SPRR2G: variants seen among roughly 807,000 people sequenced by gnomAD.
SPRR2G encodes the protein small proline rich protein 2G.
Under a neutral mutation model 0.7 loss-of-function variants are expected in SPRR2G, and 1 was observed. That is an observed-to-expected ratio of 1.49 (90% confidence interval 0.53 to 7.06). SPRR2G has a LOEUF of 7.06. SPRR2G is among the 30% of genes most tolerant of loss of function. The pLI is 0.14. For missense variants in SPRR2G, 96 were observed against 88.5 expected (o/e 1.09, Z -0.34); for synonymous variants, 38 against 33.9 (o/e 1.12, Z -0.42).
the SPRR2G span, among the ~76,000 whole-genome samples, chr1:153,188,556 A>G: frequency 1.3e-5 from 2 of 152,190 alleles, no homozygotes; most frequent in Non-Finnish European, 2.9e-5. Context: ...TCCCAGGTCA[A>G]CTTCAGACAG....
At chr1:153,160,940 A>G in the SPRR2G span, among the ~76,000 whole-genome samples, 1 of 151,732 alleles carries the variant, frequency 6.6e-6, no homozygotes, top group African/African-American at 2.4e-5. Context: ...TGTCCTTTGT[A>G]GGGACATGGA....
At chr1:153,168,750 C>T in the SPRR2G span, among the ~76,000 whole-genome samples, 19 of 152,050 alleles carry the variant, frequency 1.2e-4, no homozygotes, top group African/African-American at 4.6e-4. Flanking sequence ...AAGTACCAAA[C>T]GAAATCAGAT....
chr1:153,172,278 AT>A, the SPRR2G span, among the ~76,000 whole-genome samples: 1 of 152,166 alleles, frequency 6.6e-6, no homozygotes, highest in East Asian at 1.9e-4. Context: ...GTTTTTTCTA[AT>A]GAACCTTTTT....
chr1:153,154,662 T>C (rs890512341), upstream of SPRR2G, among the ~76,000 whole-genome samples: 1 of 152,198 alleles, frequency 6.6e-6, no homozygotes, highest in South Asian at 2.1e-4. Flanking sequence ...AAGCAGTCTC[T>C]TAGGATCTTT....
the SPRR2G span, among the ~76,000 whole-genome samples, chr1:153,166,111 C>T: frequency 1.6e-4 from 25 of 152,186 alleles, no homozygotes; most frequent in African/African-American, 5.8e-4. Flanking sequence ...TGACACAATT[C>T]CTAGCTCCTT....
At chr1:153,160,626 C>T in the SPRR2G span, among the ~76,000 whole-genome samples, 22 of 151,262 alleles carry the variant, frequency 1.5e-4, no homozygotes, top group African/African-American at 5.3e-4. Flanking sequence ...AATAGGAACA[C>T]TTTTACACTG....
chr1:153,168,805 T>C, the SPRR2G span, among the ~76,000 whole-genome samples: 1 of 152,088 alleles, frequency 6.6e-6, no homozygotes, highest in Admixed American at 6.6e-5. Flanking sequence ...AGGGAATTCT[T>C]GGTCAATGTG....
chr1:153,163,493 G>C, the SPRR2G span, among the ~76,000 whole-genome samples: 1 of 152,122 alleles, frequency 6.6e-6, no homozygotes, highest in African/African-American at 2.4e-5. Flanking sequence ...CTATATTTGG[G>C]GACACATAAG....
the SPRR2G span, among the ~76,000 whole-genome samples, chr1:153,183,199 A>G: frequency 3.0e-5 from 4 of 135,248 alleles, no homozygotes; most frequent in African/African-American, 1.0e-4. Flanking sequence ...GTGGTGGCGC[A>G]TGCCTGTAAT....
At chr1:153,174,931 AAAG>A in the SPRR2G span, among the ~76,000 whole-genome samples, 1 of 152,162 alleles carries the variant, frequency 6.6e-6, no homozygotes, top group Non-Finnish European at 1.5e-5. Context: ...AAAAGAAAAG[AAAG>A]AAGAAACACT....
chr1:153,170,333 T>C, the SPRR2G span, among the ~76,000 whole-genome samples: 1 of 152,212 alleles, frequency 6.6e-6, no homozygotes, highest in East Asian at 1.9e-4. Context: ...ATTAATAACA[T>C]TAGTTATCTA....
At chr1:153,156,805 G>C in the SPRR2G span, among the ~76,000 whole-genome samples, 4 of 152,086 alleles carry the variant, frequency 2.6e-5, no homozygotes, top group Non-Finnish European at 5.9e-5. Flanking sequence ...GAGGTAAAGA[G>C]GATTTTAAGT....
chr1:153,192,828 A>C, the SPRR2G span, among the ~76,000 whole-genome samples: 3 of 152,122 alleles, frequency 2.0e-5, no homozygotes, highest in Non-Finnish European at 2.9e-5. Flanking sequence ...AGCTGACACT[A>C]CTGCCTGTGT....
chr1:153,152,150 A>G (rs914430199), upstream of SPRR2G, among the ~76,000 whole-genome samples: 3 of 152,228 alleles, frequency 2.0e-5, no homozygotes, highest in African/African-American at 7.2e-5. Context: ...AGAAATATAA[A>G]CTCTAAAATG....
chr1:153,185,468 C>T, the SPRR2G span, among the ~76,000 whole-genome samples: 1 of 151,884 alleles, frequency 6.6e-6, no homozygotes, highest in African/African-American at 2.4e-5. Context: ...TCCAGGAATG[C>T]ATCCATTTCT....
chr1:153,187,185 G>A, the SPRR2G span, among the ~76,000 whole-genome samples: 1 of 152,082 alleles, frequency 6.6e-6, no homozygotes, highest in African/African-American at 2.4e-5. Context: ...TCTTGGGGTT[G>A]CTCTTCTCAA....
chr1:153,178,289 T>G, the SPRR2G span, among the ~76,000 whole-genome samples: 1 of 152,184 alleles, frequency 6.6e-6, no homozygotes, highest in Non-Finnish European at 1.5e-5. Flanking sequence ...CATTTGTGCT[T>G]CTTCTTTCCA....
At chr1:153,158,862 GACTTGC>G in the SPRR2G span, among the ~76,000 whole-genome samples, 6 of 152,324 alleles carry the variant, frequency 3.9e-5, no homozygotes, top group Admixed American at 2.0e-4. Context: ...CAAGGTTTCA[GACTTGC>G]ACCCTTTGCA....
the SPRR2G span, among the ~76,000 whole-genome samples, chr1:153,192,508 T>C: frequency 3.9e-5 from 6 of 152,256 alleles, no homozygotes; most frequent in African/African-American, 1.4e-4. Context: ...GGATAAGAAC[T>C]AATTTTATAG....
Sources: allele counts gnomAD v4.1 joint callset (sites outside exome capture counted in the v4.1 genomes callset), GRCh38; gene constraint gnomAD v4.1.1; transcripts MANE v1.5; gene names NCBI Gene and HGNC (gene_info 2026-07-23, HGNC 2026-07-21).